Variants in CECR2 observed in about 807,000 individuals in gnomAD.
CECR2 encodes CECR2 histone acetyl-lysine reader.
CECR2 carries 30 observed loss-of-function variants against 154.5 expected under a neutral mutation model. The observed-to-expected ratio is 0.19, with a 90% CI of 0.15 to 0.26. The LOEUF (loss-of-function observed/expected upper bound fraction) is 0.26. Among genes scored for constraint, CECR2 ranks in the 10% least tolerant of loss-of-function variants. The probability of loss-of-function intolerance (pLI) is 1.00; values close to 1 mark genes in which losing one functional copy is unlikely to be tolerated. For missense variants in CECR2, 1,743 were observed against 1,829.3 expected (o/e 0.95, Z 0.86); for synonymous variants, 725 against 683.7 (o/e 1.06, Z -0.94).
intron 1 of CECR2, 41 bp downstream of exon 1, chr22:17,369,950 C>A (rs1212953004): frequency 6.6e-6 from 1 of 151,048 alleles, no homozygotes; most frequent in Non-Finnish European, 1.5e-5. Flanking sequence ...GCTGCGCCCC[C>A]TGCTCCCCCT....
intron 7 of CECR2, 135 bp from the exon 8 acceptor site, chr22:17,511,678 C>A (rs2055956202): frequency 1.6e-6 from 1 of 606,250 alleles, no homozygotes; most frequent in Non-Finnish European, 3.0e-6. Flanking sequence ...TCCTGATTGT[C>A]CTAAGGAAGC....
At chr22:17,441,655 C>G (rs1344149985) in intron 1 of CECR2, among the ~76,000 whole-genome samples, 1 of 151,834 alleles carries the variant, frequency 6.6e-6, no homozygotes, top group Non-Finnish European at 1.5e-5. Flanking sequence ...AGGATATTGC[C>G]AGAGGATAAT....
chr22:17,515,139 G>A (rs996353292), intron 8 of CECR2, among the ~76,000 whole-genome samples: 2 of 152,108 alleles, frequency 1.3e-5, no homozygotes, highest in African/African-American at 4.8e-5. Context: ...CATCAGATGG[G>A]AAACTGCTAA....
chr22:17,546,115 G>C (rs750477165), intron 16 of CECR2, among the ~76,000 whole-genome samples: 2 of 152,076 alleles, frequency 1.3e-5, no homozygotes, highest in Non-Finnish European at 2.9e-5. Context: ...TTTGTGGAAA[G>C]TCCTACTTTG....
intron 1 of CECR2, among the ~76,000 whole-genome samples, chr22:17,466,740 G>A (rs1404383154): frequency 3.3e-5 from 5 of 151,928 alleles, no homozygotes; most frequent in South Asian, 2.1e-4. Flanking sequence ...GATTACAGGC[G>A]CGTGCCACCA....
chr22:17,504,487 A>T (rs2055798749), intron 6 of CECR2, among the ~76,000 whole-genome samples: 1 of 151,554 alleles, frequency 6.6e-6, no homozygotes. Context: ...CCCAGGCTGG[A>T]GTGCAGTGGC....
intron 1 of CECR2, among the ~76,000 whole-genome samples, chr22:17,459,694 G>T (rs2054908011): frequency 6.6e-6 from 1 of 152,198 alleles, no homozygotes; most frequent in Non-Finnish European, 1.5e-5. Flanking sequence ...AATTATTATA[G>T]TTGCTTCTTT....
chr22:17,461,632 C>G (rs2054939259), intron 1 of CECR2, among the ~76,000 whole-genome samples: 1 of 152,160 alleles, frequency 6.6e-6, no homozygotes, highest in Admixed American at 6.5e-5. Flanking sequence ...GTGAGCCCTT[C>G]TCATGGGCAA....
Position 17,487,708 on chromosome 22 carries a change from ATACT to A in CECR2, c.222-9690_222-9687del, listed in dbSNP as rs949491569. Among the ~76,000 whole-genome samples the A allele has an allele frequency of 9.2e-5, 14 of 152,036 alleles. 1 individual carries two copies. Among genetic ancestry groups the A allele is most frequent in the Admixed American group, 5.9e-4 (9 of 15,242 alleles). On this transcript the variant is annotated intron_variant, in intron 2 of 18. Transcript: ENST00000262608. ...TTTTCATTAAATACTCATGATGATA[ATACT>A]TACTGCTAAAATGTTTTTCCTTTTG...
intron 8 of CECR2, among the ~76,000 whole-genome samples, chr22:17,519,408 C>T (rs1204674530): frequency 2.0e-5 from 3 of 151,738 alleles, no homozygotes; most frequent in South Asian, 2.1e-4. Context: ...TACAGGCGCC[C>T]GCCACCATGC....
intron 12 of CECR2, 21 bp from the exon 13 acceptor site, chr22:17,538,972 A>C: frequency 1.2e-6 from 2 of 1,607,788 alleles, no homozygotes; most frequent in Non-Finnish European, 1.7e-6. Context: ...TTAACTATAA[A>C]GAGTTATGTG....
At chr22:17,366,259 G>C (rs1333019573), upstream of CECR2, among the ~76,000 whole-genome samples, 42 of 152,090 alleles carry the variant, frequency 2.8e-4, 1 homozygote, top group Admixed American at 2.5e-3. Context: ...CACGATCTCC[G>C]CTCACTGCAA....
At chr22:17,449,887 C>T (rs1179583474) in intron 1 of CECR2, among the ~76,000 whole-genome samples, 1 of 152,208 alleles carries the variant, frequency 6.6e-6, no homozygotes, top group Non-Finnish European at 1.5e-5. Flanking sequence ...AAATGTCAGT[C>T]ACTCCAGTCT....
intron 2 of CECR2, among the ~76,000 whole-genome samples, chr22:17,494,045 A>G (rs1375485908): frequency 6.6e-6 from 1 of 152,232 alleles, no homozygotes; most frequent in African/African-American, 2.4e-5. Flanking sequence ...TCTTCTACAC[A>G]CTTCTGGCTA....
At chr22:17,383,006 T>G (rs961642755) in intron 1 of CECR2, among the ~76,000 whole-genome samples, 2 of 152,048 alleles carry the variant, frequency 1.3e-5, no homozygotes, top group Non-Finnish European at 1.5e-5. Context: ...GGCGGGTGGA[T>G]CATGAGGTCA....
rs571431405 is a variant in CECR2 at position 17,540,717 on chromosome 22, G to T, written c.1801G>T (p.Val601Leu). Reference protein sequence around the residue: ...SSSSTQPPREVGTSNGRGFSH... With the variant: ...SSSSTQPPRELGTSNGRGFSH... The stretch of plus-strand genomic sequence containing the variant: ...CAGCTCCACACAGCCCCCGCGGGAG[G>T]TGGGCACTTCCAATGGCCGAGGTTT... The change falls in exon 14 of 19, where the codon GTG becomes TTG. Residue 601 changes from valine to leucine, a missense_variant. Val to Leu is a conservative substitution (Grantham distance 32). Around this residue, in one of 4 missense-constraint regions of CECR2, gnomAD observed 1,250 missense variants for 1,192.1 expected, o/e 1.05. Transcript: ENST00000262608. The T allele has an allele frequency of 4.3e-6, 7 of 1,613,068 alleles. No individual in the cohort carries two copies. In the Admixed American group the frequency reaches 1.0e-4, roughly 23 times the overall value.
At position 17,455,467 on chromosome 22, in the gene CECR2, G is replaced by A. The variant is rs141374348; in HGVS notation, c.127-22121G>A. ...TTCCCAGGATTTACACATATTGATC[G>A]TTCATCTTTTCTCCTCCCTACTCTC... On this transcript the variant is annotated intron_variant, in intron 1 of 18. Coordinates refer to ENST00000262608, the MANE Select transcript of CECR2 (RefSeq NM_001290047.2). 4.3e-4 allele frequency among the ~76,000 whole-genome samples: 66 copies of A among 152,168 alleles called. No individual in the cohort carries two copies. The East Asian group carries it at 0.011, about 26-fold the overall frequency.
intron 1 of CECR2, among the ~76,000 whole-genome samples, chr22:17,396,077 G>A (rs1350271541): frequency 2.0e-5 from 3 of 147,994 alleles, no homozygotes; most frequent in Non-Finnish European, 4.5e-5. Context: ...TCGTCTCTAC[G>A]AAAATAAAAA....
chr22:17,457,131 G>A (rs887548532), intron 1 of CECR2, among the ~76,000 whole-genome samples: 19 of 152,202 alleles, frequency 1.2e-4, no homozygotes, highest in African/African-American at 3.6e-4. Context: ...GGGTTCAAGC[G>A]ATTCTCCTGT....
Sources: gnomAD v4.1 joint callset for allele counts (sites outside exome capture counted in the v4.1 genomes callset) on GRCh38, gnomAD v4.1.1 for gene constraint, gnomAD v4.1.1 regional missense constraint, MANE v1.5 for transcripts, NCBI Gene and HGNC (gene_info 2026-07-23, HGNC 2026-07-21) for gene names.